ADGRB3: variants seen among roughly 807,000 people sequenced by gnomAD.
The protein encoded by ADGRB3 is adhesion G protein-coupled receptor B3.
Under a neutral mutation model 193.4 loss-of-function variants are expected in ADGRB3, and 37 were observed. The observed-to-expected ratio is 0.19, with a 90% CI of 0.15 to 0.25. The LOEUF is 0.25. Ranked by LOEUF, ADGRB3 falls within the 10% of genes least tolerant of loss-of-function variation. The pLI, the probability that ADGRB3 is intolerant of heterozygous loss-of-function variation, is 1.00. For synonymous variants in ADGRB3, 690 were observed against 644.2 expected (o/e 1.07, Z -1.08); for missense variants, 1,637 against 1,852.9 (o/e 0.88, Z 2.14).
At chr6:68,801,371 T>A (rs1767307347) in intron 3 of ADGRB3, among the ~76,000 whole-genome samples, 1 of 152,184 alleles carries the variant, frequency 6.6e-6, no homozygotes, top group Admixed American at 6.5e-5. Flanking sequence ...CTTTCCATTT[T>A]TTAGTTCCCC....
chr6:68,737,670 A>C (rs1765897950), intron 3 of ADGRB3, among the ~76,000 whole-genome samples: 1 of 152,124 alleles, frequency 6.6e-6, no homozygotes, highest in African/African-American at 2.4e-5. Context: ...TCCAAACATA[A>C]ATTGTCCATG....
chr6:69,283,597 G>A (rs961923326), intron 20 of ADGRB3, among the ~76,000 whole-genome samples: 4 of 151,262 alleles, frequency 2.6e-5, no homozygotes, highest in African/African-American at 9.7e-5. Flanking sequence ...CCATACCTCA[G>A]TTTTTTCCTC....
chr6:69,347,262 T>C (rs190008298), intron 26 of ADGRB3, among the ~76,000 whole-genome samples: 4,703 of 152,014 alleles, frequency 0.031, 248 homozygotes, highest in African/African-American at 0.11. Context: ...ATGTAGATGA[T>C]GGGTTGATGG....
intron 3 of ADGRB3, among the ~76,000 whole-genome samples, chr6:68,773,816 G>A (rs1523947): frequency 0.73 from 110,386 of 151,870 alleles, 40,399 homozygotes; most frequent in Middle Eastern, 0.9. Flanking sequence ...TACGGTAGCA[G>A]CAAGACCTGG....
At position 69,276,648 on chromosome 6, in the gene ADGRB3, G is replaced by A. The variant is rs145497264; in HGVS notation, c.2814+37422G>A. On this transcript the variant is annotated intron_variant, in intron 20 of 31. Coordinates refer to ENST00000370598, the MANE Select transcript of ADGRB3 (RefSeq NM_001704.3). ...TTTCCAAGGTCTTCATCAGCCACCAGTGGATGATCTCAGGGCTTTTCTGAG... is the reference window on the plus strand; with the variant it reads ...TTTCCAAGGTCTTCATCAGCCACCAATGGATGATCTCAGGGCTTTTCTGAG... 6.2e-3 allele frequency among the ~76,000 whole-genome samples: 940 copies of A among 152,282 alleles called. 9 individuals carry two copies. The highest frequency in any genetic ancestry group is 0.011 in the Non-Finnish European group (716 of 68,022).
At chr6:69,237,329 G>T (rs370712718) in intron 19 of ADGRB3, among the ~76,000 whole-genome samples, 25 of 151,966 alleles carry the variant, frequency 1.6e-4, no homozygotes, top group East Asian at 1.4e-3. Flanking sequence ...TACATAATAG[G>T]CTGTTTTTAA....
chr6:68,991,838 A>AT (rs1482840561), intron 10 of ADGRB3, among the ~76,000 whole-genome samples: 1 of 152,116 alleles, frequency 6.6e-6, no homozygotes, highest in Non-Finnish European at 1.5e-5. Flanking sequence ...ATATAGATCT[A>AT]TTTTTCAAAT....
intron 3 of ADGRB3, among the ~76,000 whole-genome samples, chr6:68,900,468 C>T (rs1301573332): frequency 6.6e-6 from 1 of 152,090 alleles, no homozygotes; most frequent in Admixed American, 6.5e-5. Flanking sequence ...TCCAAATAGG[C>T]AGCTATCTGA....
intron 11 of ADGRB3, among the ~76,000 whole-genome samples, chr6:69,001,548 G>T (rs554083131): frequency 3.3e-5 from 5 of 152,234 alleles, no homozygotes; most frequent in African/African-American, 1.2e-4. Context: ...CTATGGCAGT[G>T]ACCTAGATAT....
At chr6:69,096,398 A>G (rs1388487745) in intron 17 of ADGRB3, among the ~76,000 whole-genome samples, 3 of 144,096 alleles carry the variant, frequency 2.1e-5, no homozygotes, top group African/African-American at 7.7e-5. Flanking sequence ...TATTAAATGC[A>G]TCATCTTCTA....
chr6:68,744,487 C>CA (rs1393730317), intron 3 of ADGRB3, among the ~76,000 whole-genome samples: 1 of 152,038 alleles, frequency 6.6e-6, no homozygotes, highest in Non-Finnish European at 1.5e-5. Flanking sequence ...GGAACCAGAC[C>CA]AAAAGCCCAT....
intron 6 of ADGRB3, among the ~76,000 whole-genome samples, chr6:68,946,816 G>T (rs961072381): frequency 3.3e-5 from 5 of 152,112 alleles, no homozygotes; most frequent in African/African-American, 1.2e-4. Flanking sequence ...TAAACTGCAT[G>T]AAACCACTCT....
At chr6:68,880,142 C>T (rs74691073) in intron 3 of ADGRB3, among the ~76,000 whole-genome samples, 1,874 of 152,280 alleles carry the variant, frequency 0.012, 17 homozygotes, top group Middle Eastern at 0.02. Context: ...CTTCTGACTT[C>T]GGATAAGGCA....
chr6:68,987,801 A>G (rs1336642), intron 10 of ADGRB3, among the ~76,000 whole-genome samples: 2,312 of 152,220 alleles, frequency 0.015, 26 homozygotes, highest in Non-Finnish European at 0.023. Context: ...CCCCTTATAA[A>G]ACATGTAGTC....
intron 16 of ADGRB3, among the ~76,000 whole-genome samples, chr6:69,070,759 G>T (rs1772055809): frequency 6.6e-6 from 1 of 152,146 alleles, no homozygotes; most frequent in South Asian, 2.1e-4. Flanking sequence ...TAGGTCTAGA[G>T]AAAACACTGT....
intron 17 of ADGRB3, among the ~76,000 whole-genome samples, chr6:69,221,002 A>G (rs551853825): frequency 3.3e-5 from 5 of 152,048 alleles, no homozygotes; most frequent in Admixed American, 3.3e-4. Flanking sequence ...GACAAGCTGT[A>G]TATTTGTCTC....
At chr6:68,862,519 G>A (rs912360046) in intron 3 of ADGRB3, among the ~76,000 whole-genome samples, 1 of 152,136 alleles carries the variant, frequency 6.6e-6, no homozygotes, top group Non-Finnish European at 1.5e-5. Context: ...TGTGAAGAAG[G>A]TACTATATTT....
intron 17 of ADGRB3, among the ~76,000 whole-genome samples, chr6:69,203,710 T>A (rs1765481566): frequency 1.3e-5 from 2 of 152,150 alleles, no homozygotes; most frequent in South Asian, 4.1e-4. Context: ...TCATGTATCA[T>A]TACATCTTTC....
intron 3 of ADGRB3, among the ~76,000 whole-genome samples, chr6:68,880,549 T>G (rs916767899): frequency 6.6e-5 from 10 of 152,196 alleles, no homozygotes; most frequent in African/African-American, 2.4e-4. Context: ...TTGCTGGATG[T>G]GCTGTGAATC....
Sources: gnomAD v4.1 joint callset for allele counts (sites outside exome capture counted in the v4.1 genomes callset) on GRCh38, gnomAD v4.1.1 for gene constraint, MANE v1.5 for transcripts, NCBI Gene and HGNC (gene_info 2026-07-23, HGNC 2026-07-21) for gene names.